The following VIPR2 variants were observed in gnomAD, a reference collection of about 807,000 sequenced individuals.
VIPR2 encodes the protein vasoactive intestinal polypeptide receptor 2.
Under a neutral mutation model 58.0 loss-of-function variants are expected in VIPR2, and 48 were observed. That is an observed-to-expected ratio of 0.83 (90% CI 0.66 to 1.05). VIPR2 has a LOEUF of 1.05. Ranked by LOEUF, VIPR2 falls within the 50% of genes least tolerant of loss-of-function variation. VIPR2 has a pLI of 0.00. For synonymous variants in VIPR2, 243 were observed against 235.2 expected (o/e 1.03, Z -0.30); for missense variants, 534 against 558.0 (o/e 0.96, Z 0.43).
At position 159,103,830 on chromosome 7, in the gene VIPR2, C is replaced by T; in HGVS notation, c.284G>A (p.Ser95Asn). The T allele has an allele frequency of 6.2e-7, 1 of 1,614,156 alleles. No homozygotes were observed. The highest frequency in any genetic ancestry group is 1.1e-5 in the South Asian group (1 of 91,082). ...KAGNISKNCT[S>N]DGWSETFPDF... is the part of the protein sequence containing the mutation. ...TGGGAACGTCTCTGACCATCCGTCA[C>T]TCGTACAGTTTTTGCTTATGTTTCC... is the stretch of plus-strand genomic sequence containing the variant. The change falls in exon 4 of 13, where the codon AGT becomes AAT. Residue 95 changes from serine to asparagine, a missense_variant. Physicochemically the swap from Ser to Asn is conservative, Grantham distance 46. Transcript: ENST00000262178.
Position 159,030,798 on chromosome 7 carries a change from T to A in VIPR2, c.1144-9A>T, listed in dbSNP as rs1450750354. ...TTCAGCTCGCACTGCACCTGGGAGG[T>A]GAGGGCAGCGGGAACGCCCGTGAGC... On this transcript the variant is annotated splice_polypyrimidine_tract_variant and intron_variant, in intron 12 of 12. Transcript: ENST00000262178. The A allele has an allele frequency of 5.8e-6, 9 of 1,561,766 alleles. No individual in the cohort carries two copies. Among genetic ancestry groups the A allele is most frequent in the Non-Finnish European group, 7.8e-6 (9 of 1,151,772 alleles).
chr7:159,115,046 T>C (rs979974628), intron 2 of VIPR2, among the ~76,000 whole-genome samples: 1 of 152,190 alleles, frequency 6.6e-6, no homozygotes. Flanking sequence ...ACCCTAGAAC[T>C]GTACTTTCTA....
At chr7:159,109,692 C>G (rs939560065) in intron 3 of VIPR2, 120 bp downstream of exon 3, 2 of 904,186 alleles carry the variant, frequency 2.2e-6, no homozygotes, top group Non-Finnish European at 1.8e-6. Flanking sequence ...TGTTCCCTGA[C>G]CCCCAGGGTA....
At chr7:159,120,276 C>T (rs1390102470) in intron 2 of VIPR2, among the ~76,000 whole-genome samples, 4 of 152,178 alleles carry the variant, frequency 2.6e-5, no homozygotes, top group African/African-American at 4.8e-5. Flanking sequence ...CAGCCTTCTA[C>T]CAGGGAGAAG....
chr7:159,050,780 C>T (rs1854956799), intron 5 of VIPR2, among the ~76,000 whole-genome samples: 1 of 96,122 alleles, frequency 1.0e-5, no homozygotes, highest in South Asian at 4.5e-4. Flanking sequence ...ATTAAAGAAA[C>T]TCTACAAACC....
chr7:159,142,677 C>T (rs1486198482), intron 1 of VIPR2, 132 bp from the exon 2 acceptor site: 3 of 575,054 alleles, frequency 5.2e-6, no homozygotes, highest in African/African-American at 3.8e-5. Flanking sequence ...CATTTAAAAC[C>T]AATCACCTTG....
chr7:159,111,674 C>T lies in VIPR2; in HGVS notation c.152-1755G>A, dbSNP rs374005396. On this transcript the variant is annotated intron_variant, in intron 2 of 12. Transcript: ENST00000262178. Reference sequence around the variant, plus strand: ...CAGCCTGGGTGACAGAGCAAGATTCCGTCTCAAAAAAAAAAAGCAATAATT... The same window carrying T: ...CAGCCTGGGTGACAGAGCAAGATTCTGTCTCAAAAAAAAAAAGCAATAATT... Among the ~76,000 whole-genome samples, 77 of 130,404 alleles carry T rather than the reference C, an allele frequency of 5.9e-4. 1 individual carries two copies. Among genetic ancestry groups the T allele is most frequent in the African/African-American group, 2.0e-3 (55 of 27,826 alleles). The allele number at this position is 130,404 out of a possible 152,430, so 85.6% of individuals were successfully genotyped here. A position where few individuals can be genotyped will look rare whatever the true frequency, so the allele number is the denominator to read the frequency against.
chr7:159,031,585 G>C lies in VIPR2; in HGVS notation c.1143+243C>G. On this transcript the variant is annotated intron_variant, in intron 12 of 12. Coordinates refer to ENST00000262178, the MANE Select transcript of VIPR2 (RefSeq NM_003382.5). This position sits in a 1 kb window ranked among gnomAD's most constrained non-coding sequence, Gnocchi z 4.0. ...GCTTTCCCGAGAGGGCTCCGAGACG[G>C]ACGGCAGTCGATGCTACTTAGGGTG... The C allele has an allele frequency of 1.0e-6, 1 of 985,452 alleles. No individual in the cohort carries two copies. Among genetic ancestry groups the C allele is most frequent in the Non-Finnish European group, 1.2e-6 (1 of 829,944 alleles). The allele number at this position is 985,452 out of a possible 1,614,324, so 61.0% of individuals were successfully genotyped here. A position where few individuals can be genotyped will look rare whatever the true frequency, so the allele number is the denominator to read the frequency against.
Position 159,031,868 on chromosome 7 carries a change from C to T in VIPR2, c.1103G>A (p.Gly368Asp). 6.2e-7 allele frequency: 1 copy of T among 1,614,084 alleles called. No individual in the cohort carries two copies. The highest frequency in any genetic ancestry group is 2.2e-5 in the East Asian group (1 of 44,868). Residue 368 changes from glycine to aspartate, a missense_variant and splice_region_variant, in exon 12 of 13, where the codon GGC becomes GAC. Coordinates refer to ENST00000262178, the MANE Select transcript of VIPR2 (RefSeq NM_003382.5). The surrounding 1 kb of genome is among the most constrained non-coding windows in gnomAD (Gnocchi z 4.0). ...ACAGTAGAGGACGGCCACCACCAGG[C>T]CCTGCAATGAGAAGAGATGGTCAGG... ...LFELCLGSFQ[G>D]LVVAVLYCFL...
chr7:159,029,917 C>T lies in VIPR2; in HGVS notation c.*699G>A, dbSNP rs1366428539. The T allele has an allele frequency of 2.6e-5, 4 of 152,272 alleles. No homozygotes were observed. The highest frequency in any genetic ancestry group is 4.4e-5 in the Non-Finnish European group (3 of 68,098). The allele number at this position is 152,272 out of a possible 1,614,324, so 9.4% of individuals were successfully genotyped here. On this transcript the variant is annotated 3_prime_UTR_variant, in exon 13 of 13. Coordinates refer to ENST00000262178, the MANE Select transcript of VIPR2 (RefSeq NM_003382.5). Reference sequence around the variant, plus strand: ...CGTCAGGGGGGCCCTGACTGGCTTCCCTCTGTCCTGCAGATGAGGGGGCTA... The same window carrying T: ...CGTCAGGGGGGCCCTGACTGGCTTCTCTCTGTCCTGCAGATGAGGGGGCTA...
At chr7:159,117,364 T>C in intron 2 of VIPR2, 1 of 717,556 alleles carries the variant, frequency 1.4e-6, no homozygotes, top group Non-Finnish European at 2.6e-6. Flanking sequence ...CAGGATCCTC[T>C]TTAAACCTCC....
intron 2 of VIPR2, among the ~76,000 whole-genome samples, chr7:159,130,924 C>T (rs1010944695): frequency 1.3e-5 from 2 of 152,178 alleles, no homozygotes; most frequent in African/African-American, 2.4e-5. Context: ...CACAGAAGCA[C>T]TACAAACGGC....
At chr7:159,053,748 A>G (rs76049479) in intron 5 of VIPR2, among the ~76,000 whole-genome samples, 16,581 of 152,142 alleles carry the variant, frequency 0.11, 959 homozygotes, top group Middle Eastern at 0.17. Flanking sequence ...GGGTCTCCCT[A>G]TGTTGCCCTG....
chr7:159,095,950 A>G lies in VIPR2; in HGVS notation c.357+7807T>C, dbSNP rs1471786750. ...ATGTGCTGTGTGTCCTGGAGGGGCC[A>G]GTGTGGTGTGTGGTGTATGATCTGG... is the stretch of plus-strand genomic sequence containing the variant. On this transcript the variant is annotated intron_variant, in intron 4 of 12. Transcript: ENST00000262178. The surrounding 1 kb of genome is among the most constrained non-coding windows in gnomAD (Gnocchi z 5.2). Among the ~76,000 whole-genome samples, 3 of 152,108 alleles carry G rather than the reference A, an allele frequency of 2.0e-5. No homozygotes were observed. Among genetic ancestry groups the G allele is most frequent in the Non-Finnish European group, 2.9e-5 (2 of 68,032 alleles).
At chr7:159,079,596 A>C (rs1487294136) in intron 4 of VIPR2, among the ~76,000 whole-genome samples, 1 of 152,224 alleles carries the variant, frequency 6.6e-6, no homozygotes, top group Non-Finnish European at 1.5e-5. Context: ...AGCTAGCAGA[A>C]GGCAAGAAAT....
chr7:159,070,449 T>G (rs540043651), intron 4 of VIPR2, among the ~76,000 whole-genome samples: 1 of 152,354 alleles, frequency 6.6e-6, no homozygotes, highest in East Asian at 1.9e-4. Flanking sequence ...GAGTTGTTTA[T>G]GCCCAGTTTC....
chr7:159,048,769 TA>T (rs1187043662), intron 5 of VIPR2, among the ~76,000 whole-genome samples: 1 of 152,212 alleles, frequency 6.6e-6, no homozygotes, highest in South Asian at 2.1e-4. Flanking sequence ...TCTCAACAGC[TA>T]TTGGATTGTG....
intron 4 of VIPR2, among the ~76,000 whole-genome samples, chr7:159,089,577 A>T (rs1857347087): frequency 6.6e-6 from 1 of 152,298 alleles, no homozygotes; most frequent in South Asian, 2.1e-4. Context: ...AACTATTATT[A>T]TCATTATAAC....
chr7:159,102,378 C>T (rs79165294), intron 4 of VIPR2, among the ~76,000 whole-genome samples: 2,128 of 152,324 alleles, frequency 0.014, 32 homozygotes, highest in Admixed American at 0.034. Flanking sequence ...GATTTTGAGG[C>T]CTCCTCAGCC....
Sources: allele counts gnomAD v4.1 joint callset (sites outside exome capture counted in the v4.1 genomes callset), GRCh38; gene constraint gnomAD v4.1.1; non-coding constraint Gnocchi (gnomAD v3.1); transcripts MANE v1.5; gene names NCBI Gene and HGNC (gene_info 2026-07-23, HGNC 2026-07-21).